Variants in TRAPPC9 observed in about 807,000 individuals in gnomAD.
The protein encoded by TRAPPC9 is trafficking protein particle complex subunit 9, also known as IKK2 binding protein.
In TRAPPC9, 83 loss-of-function variants were observed where a neutral mutation model predicts 124.0. The ratio of observed to expected loss-of-function variants is 0.67; its 90% confidence interval spans 0.56 to 0.80. The LOEUF is 0.80. TRAPPC9 is among the 30% of genes least tolerant of loss of function. TRAPPC9 has a pLI of 0.00. For missense variants in TRAPPC9, 1,302 were observed against 1,508.3 expected, an observed-to-expected ratio of 0.86 and a Z score of 2.27; for synonymous variants, 638 against 617.5, an observed-to-expected ratio of 1.03 and a Z score of -0.49.
chr8:139,936,189 G>A (rs959265881), intron 19 of TRAPPC9, among the ~76,000 whole-genome samples: 14 of 152,196 alleles, frequency 9.2e-5, no homozygotes, highest in Non-Finnish European at 1.6e-4. Flanking sequence ...GCCCAGGAGC[G>A]CCACAGGCCA....
chr8:139,947,894 G>GTGTGTGTATATATATATATATATATA (rs1554678277), intron 19 of TRAPPC9, among the ~76,000 whole-genome samples: 3 of 65,852 alleles, frequency 4.6e-5, no homozygotes, highest in African/African-American at 1.2e-4. Context: ...AAATATGTGT[G>GTGTGTGTATATATATATATATATATA]TATATATATA....
rs1263364460 is a variant in TRAPPC9 at position 140,063,045 on chromosome 8, A to G, written c.2557-38966T>C. 6.6e-6 allele frequency among the ~76,000 whole-genome samples: 1 copy of G among 152,204 alleles called. No individual in the cohort carries two copies. Among genetic ancestry groups the G allele is most frequent in the Non-Finnish European group, 1.5e-5 (1 of 68,046 alleles). ...CAAGGGACCTTCTTCAGAAGGCGGC[A>G]GGAAGGAGAAGTGAATGCAGGAGGA... is the stretch of plus-strand genomic sequence containing the variant. On this transcript the variant is annotated intron_variant, in intron 17 of 22. Coordinates refer to ENST00000438773, the MANE Select transcript of TRAPPC9 (RefSeq NM_001160372.4). This position sits in a 1 kb window ranked among gnomAD's most constrained non-coding sequence, Gnocchi z 4.3.
chr8:139,803,902 T>C (rs1823741750), intron 21 of TRAPPC9, among the ~76,000 whole-genome samples: 2 of 152,102 alleles, frequency 1.3e-5, no homozygotes. Flanking sequence ...TCTAAATGTG[T>C]CATTTGAACT....
chr8:140,282,999 A>G (rs1470507878), intron 14 of TRAPPC9, among the ~76,000 whole-genome samples: 1 of 152,106 alleles, frequency 6.6e-6, no homozygotes, highest in Non-Finnish European at 1.5e-5. Flanking sequence ...GCACTTTGGG[A>G]GGCCAAGATG....
chr8:140,444,576 C>G (rs546574227), intron 2 of TRAPPC9, among the ~76,000 whole-genome samples: 3 of 152,052 alleles, frequency 2.0e-5, no homozygotes, highest in Non-Finnish European at 4.4e-5. Context: ...TATAGAAAAC[C>G]CCAGTCAGGA....
chr8:139,747,253 C>T (rs1818961371), intron 21 of TRAPPC9, among the ~76,000 whole-genome samples: 1 of 152,148 alleles, frequency 6.6e-6, no homozygotes, highest in Admixed American at 6.5e-5. Context: ...ACAATGCCAA[C>T]CCAGTCTCAG....
intron 5 of TRAPPC9, among the ~76,000 whole-genome samples, chr8:140,421,348 TTA>T (rs987270462): frequency 1.3e-5 from 2 of 152,226 alleles, no homozygotes; most frequent in African/African-American, 4.8e-5. Context: ...ATATTTTAAA[TTA>T]TGACAGGTAA....
chr8:140,273,398 C>A (rs930217890), intron 15 of TRAPPC9, among the ~76,000 whole-genome samples: 1 of 152,170 alleles, frequency 6.6e-6, no homozygotes, highest in African/African-American at 2.4e-5. Context: ...CAAGGAGGGA[C>A]CTGGCCACCG....
At chr8:139,738,991 C>A (rs1250292468) in intron 21 of TRAPPC9, among the ~76,000 whole-genome samples, 1 of 152,180 alleles carries the variant, frequency 6.6e-6, no homozygotes, top group African/African-American at 2.4e-5. Context: ...GGCTCCTGCC[C>A]GCCCCCAGCT....
intron 17 of TRAPPC9, among the ~76,000 whole-genome samples, chr8:140,101,094 G>A (rs2060570320): frequency 6.6e-6 from 1 of 152,154 alleles, no homozygotes; most frequent in Non-Finnish European, 1.5e-5. Context: ...TCCTCTTCTA[G>A]CCACAAGCCA....
chr8:140,174,562 C>T (rs1399014683), intron 17 of TRAPPC9, among the ~76,000 whole-genome samples: 1 of 152,082 alleles, frequency 6.6e-6, no homozygotes, highest in Non-Finnish European at 1.5e-5. Flanking sequence ...GCAGTCACTC[C>T]CGATTCCCCC....
At chr8:139,931,225 A>C (rs1315698065) in intron 19 of TRAPPC9, 1 of 152,156 alleles carries the variant, frequency 6.6e-6, no homozygotes, top group African/African-American at 2.4e-5. Context: ...ACTGCCACTC[A>C]CTGAACACCA....
At chr8:140,345,398 G>C (rs2067315399) in intron 9 of TRAPPC9, among the ~76,000 whole-genome samples, 1 of 152,216 alleles carries the variant, frequency 6.6e-6, no homozygotes, top group Non-Finnish European at 1.5e-5. Context: ...TTCTGAGGAG[G>C]ACTGCTTGGA....
rs982344970 is a variant in TRAPPC9 at position 140,366,123 on chromosome 8, T to C, written c.1351+4841A>G. ...GATCTCATTTTTTATGGCTGCATAA[T>C]ATTCCACAGTGTATATGTAGCACAT... On this transcript the variant is annotated intron_variant, in intron 8 of 22. Transcript: ENST00000438773. Among the ~76,000 whole-genome samples the C allele has an allele frequency of 1.4e-4, 21 of 152,372 alleles. No individual in the cohort carries two copies. The East Asian group carries it at 3.9e-3, about 28-fold the overall frequency.
At chr8:140,336,294 T>G (rs1391283057) in intron 9 of TRAPPC9, among the ~76,000 whole-genome samples, 2 of 152,178 alleles carry the variant, frequency 1.3e-5, no homozygotes, top group Non-Finnish European at 2.9e-5. Context: ...GTTCAACAGA[T>G]ATTCCTACTG....
At chr8:140,088,863 G>C (rs1402121644) in intron 17 of TRAPPC9, among the ~76,000 whole-genome samples, 1 of 152,148 alleles carries the variant, frequency 6.6e-6, no homozygotes. Flanking sequence ...AGCAAGTAGA[G>C]TACGATCCAC....
At chr8:140,458,372 A>AC, upstream of TRAPPC9, 1 of 1,596,286 alleles carries the variant, frequency 6.3e-7, no homozygotes, top group Non-Finnish European at 8.5e-7. Context: ...TCCCTGCGGC[A>AC]CCCCCTGTGA....
rs181579298 is a variant in TRAPPC9 at position 139,985,893 on chromosome 8, G to A, written c.2810+2833C>T. Reference sequence around the variant, plus strand: ...TTTATATTTAGCTCCAAAGAATAACGCTGATTTTTAAAGTTTTAAAAGGAC... The same window carrying A: ...TTTATATTTAGCTCCAAAGAATAACACTGATTTTTAAAGTTTTAAAAGGAC... On this transcript the variant is annotated intron_variant, in intron 19 of 22. Coordinates refer to ENST00000438773, the MANE Select transcript of TRAPPC9 (RefSeq NM_001160372.4). Among the ~76,000 whole-genome samples, 10 of 152,258 alleles carry A rather than the reference G, an allele frequency of 6.6e-5. No individual in the cohort carries two copies. In the East Asian group the frequency reaches 7.7e-4, roughly 12 times the overall value.
At chr8:140,015,466 A>C (rs1839404427) in intron 18 of TRAPPC9, among the ~76,000 whole-genome samples, 1 of 152,216 alleles carries the variant, frequency 6.6e-6, no homozygotes, top group Non-Finnish European at 1.5e-5. Context: ...CAAGAGCCGA[A>C]AATGCATACT....
Sources: gnomAD v4.1 joint callset for allele counts (sites outside exome capture counted in the v4.1 genomes callset) on GRCh38, gnomAD v4.1.1 for gene constraint, Gnocchi (gnomAD v3.1) non-coding constraint, MANE v1.5 for transcripts, NCBI Gene and HGNC (gene_info 2026-07-23, HGNC 2026-07-21) for gene names.